NHERF1: variants seen among roughly 807,000 people sequenced by gnomAD.
NHERF1 encodes Na(+)/H(+) exchange regulatory cofactor NHE-RF1.
chr17:74,761,860 C>T, the NHERF1 span: 1 of 737,624 alleles, frequency 1.4e-6, no homozygotes, highest in Non-Finnish European at 2.3e-6. This position sits in a 1 kb window ranked among gnomAD's most constrained non-coding sequence, Gnocchi z 4.3. Flanking sequence ...GAGTCCTGGG[C>T]CAGAACCCTC....
At chr17:74,749,855 C>T in the NHERF1 span, among the ~76,000 whole-genome samples, 12 of 152,238 alleles carry the variant, frequency 7.9e-5, no homozygotes, top group African/African-American at 2.9e-4. The surrounding 1 kb of genome is among the most constrained non-coding windows in gnomAD (Gnocchi z 5.6). Context: ...TTCATCCTCC[C>T]GGAGTCCTGT....
chr17:74,751,312 AAC>A, the NHERF1 span, among the ~76,000 whole-genome samples: 1 of 152,214 alleles, frequency 6.6e-6, no homozygotes, highest in South Asian at 2.1e-4. This position sits in a 1 kb window ranked among gnomAD's most constrained non-coding sequence, Gnocchi z 4.3. Context: ...AAAAAATGTT[AAC>A]AGACATTGTA....
At chr17:74,748,783 T>G in the NHERF1 span, 1 of 1,406,090 alleles carries the variant, frequency 7.1e-7, no homozygotes, top group Admixed American at 2.0e-5. The surrounding 1 kb of genome is among the most constrained non-coding windows in gnomAD (Gnocchi z 4.3). Flanking sequence ...GAAGAAGGGC[T>G]GGGCCGTCCC....
chr17:74,749,084 C>T, the NHERF1 span: 1 of 1,589,574 alleles, frequency 6.3e-7, no homozygotes, highest in Non-Finnish European at 8.5e-7. This position sits in a 1 kb window ranked among gnomAD's most constrained non-coding sequence, Gnocchi z 5.6. Flanking sequence ...GAGCCGCATC[C>T]GCGCCGCACT....
the NHERF1 span, chr17:74,763,250 G>T: frequency 5.3e-6 from 5 of 948,780 alleles, no homozygotes; most frequent in South Asian, 8.1e-5. Flanking sequence ...TCCCCAGGTT[G>T]TGAACTGCAA....
At chr17:74,764,510 T>C in the NHERF1 span, among the ~76,000 whole-genome samples, 1 of 152,252 alleles carries the variant, frequency 6.6e-6, no homozygotes, top group East Asian at 1.9e-4. This position sits in a 1 kb window ranked among gnomAD's most constrained non-coding sequence, Gnocchi z 4.9. Flanking sequence ...CCTTCTCCAC[T>C]GAGGGGGAGA....
the NHERF1 span, chr17:74,749,312 G>A: frequency 6.6e-7 from 1 of 1,521,918 alleles, no homozygotes. The surrounding 1 kb of genome is among the most constrained non-coding windows in gnomAD (Gnocchi z 5.6). Context: ...AGCCGCGCAG[G>A]CTGGCATGGA....
chr17:74,753,031 CTCT>C, the NHERF1 span, among the ~76,000 whole-genome samples: 1 of 152,338 alleles, frequency 6.6e-6, no homozygotes, highest in East Asian at 1.9e-4. Context: ...AACCTACCCA[CTCT>C]TCTTTCTTGC....
chr17:74,768,124 C>G, the NHERF1 span: 2 of 1,564,764 alleles, frequency 1.3e-6, no homozygotes, highest in Non-Finnish European at 1.8e-6. Context: ...TCTGACAACC[C>G]ACAACCCTCT....
the NHERF1 span, among the ~76,000 whole-genome samples, chr17:74,764,931 G>A: frequency 1.3e-5 from 2 of 152,208 alleles, no homozygotes; most frequent in Admixed American, 1.3e-4. This position sits in a 1 kb window ranked among gnomAD's most constrained non-coding sequence, Gnocchi z 4.9. Flanking sequence ...TGTCAAAAGG[G>A]AGGAGAAGAT....
chr17:74,753,893 G>A, the NHERF1 span, among the ~76,000 whole-genome samples: 2 of 152,152 alleles, frequency 1.3e-5, no homozygotes, highest in Non-Finnish European at 2.9e-5. Flanking sequence ...GCTCACGCCT[G>A]TAATCCCAGC....
chr17:74,757,131 G>A, the NHERF1 span, among the ~76,000 whole-genome samples: 9 of 152,148 alleles, frequency 5.9e-5, no homozygotes, highest in Non-Finnish European at 8.8e-5. Context: ...TCTTGCCCCC[G>A]TGGGTCTCCA....
chr17:74,761,879 C>T, the NHERF1 span: 1 of 829,346 alleles, frequency 1.2e-6, no homozygotes, highest in East Asian at 2.6e-5. The surrounding 1 kb of genome is among the most constrained non-coding windows in gnomAD (Gnocchi z 4.3). Context: ...TCTCAAATTG[C>T]TGTGTAGGGA....
the NHERF1 span, among the ~76,000 whole-genome samples, chr17:74,755,637 C>T: frequency 6.6e-6 from 1 of 152,208 alleles, no homozygotes; most frequent in Non-Finnish European, 1.5e-5. Flanking sequence ...AGACAGGCTG[C>T]AGCCTCTCCC....
At chr17:74,768,825 G>T in the NHERF1 span, 1 of 641,186 alleles carries the variant, frequency 1.6e-6, no homozygotes, top group South Asian at 1.9e-5. Context: ...TTTAGGGAAG[G>T]TGAATGTGTT....
At chr17:74,761,963 G>A in the NHERF1 span, 17 of 1,604,684 alleles carry the variant, frequency 1.1e-5, no homozygotes, top group Non-Finnish European at 1.4e-5. The surrounding 1 kb of genome is among the most constrained non-coding windows in gnomAD (Gnocchi z 4.3). Flanking sequence ...AGGGAAGGCA[G>A]AACCTGGGGC....
the NHERF1 span, among the ~76,000 whole-genome samples, chr17:74,761,404 C>T: frequency 6.6e-6 from 1 of 152,372 alleles, no homozygotes; most frequent in African/African-American, 2.4e-5. This position sits in a 1 kb window ranked among gnomAD's most constrained non-coding sequence, Gnocchi z 4.3. Flanking sequence ...TTTTGGTTAT[C>T]TGCTCCTTCT....
the NHERF1 span, among the ~76,000 whole-genome samples, chr17:74,754,395 CTTTCTTTT>C: frequency 3.1e-4 from 42 of 134,500 alleles, no homozygotes; most frequent in Non-Finnish European, 6.0e-4. Context: ...TTCTTTCTTT[CTTTCTTTT>C]TTTTTTTTTT....
chr17:74,767,897 A>C, the NHERF1 span: 1 of 611,010 alleles, frequency 1.6e-6, no homozygotes, highest in Non-Finnish European at 3.1e-6. Flanking sequence ...CGGTTCAGCT[A>C]ATCCCATGAT....
Sources: gnomAD v4.1 joint callset for allele counts (sites outside exome capture counted in the v4.1 genomes callset) on GRCh38, gnomAD v4.1.1 for gene constraint, Gnocchi (gnomAD v3.1) non-coding constraint, MANE v1.5 for transcripts, NCBI Gene and HGNC (gene_info 2026-07-23, HGNC 2026-07-21) for gene names.